The following GALNT18 variants were observed in gnomAD, a reference collection of about 807,000 sequenced individuals.
GALNT18 encodes the protein GalNAc-transferase 18.
In GALNT18, 44 loss-of-function variants were observed where a neutral mutation model predicts 69.5. The observed-to-expected ratio is 0.63, with a 90% CI of 0.50 to 0.81. GALNT18 has a LOEUF of 0.81. Ranked by LOEUF, GALNT18 falls within the 40% of genes least tolerant of loss-of-function variation. GALNT18 has a pLI of 0.00. For missense variants in GALNT18, 715 were observed against 810.0 expected (o/e 0.88, Z 1.42); for synonymous variants, 364 against 318.2 (o/e 1.14, Z -1.53).
At chr11:11,472,846 GC>G (rs2133856169) in intron 1 of GALNT18, among the ~76,000 whole-genome samples, 1 of 152,176 alleles carries the variant, frequency 6.6e-6, no homozygotes, top group East Asian at 1.9e-4. Flanking sequence ...CTATATATGG[GC>G]CGGGTGCAGT....
chr11:11,385,456 C>T (rs56993513), intron 3 of GALNT18, among the ~76,000 whole-genome samples: 15,528 of 152,116 alleles, frequency 0.1, 904 homozygotes, highest in Middle Eastern at 0.24. Context: ...CCACCACATC[C>T]GGCTAATTTT....
chr11:11,561,333 A>G (rs1409306536), intron 1 of GALNT18, among the ~76,000 whole-genome samples: 1 of 147,808 alleles, frequency 6.8e-6, no homozygotes, highest in Admixed American at 6.9e-5. Context: ...ACAGAAAACC[A>G]ACACTTCTCC....
intron 1 of GALNT18, among the ~76,000 whole-genome samples, chr11:11,512,744 G>A (rs569669074): frequency 7.2e-5 from 11 of 152,280 alleles, no homozygotes; most frequent in African/African-American, 1.7e-4. Context: ...GCCTGGGCTC[G>A]TTATGTGCCT....
chr11:11,487,338 A>G lies in GALNT18; in HGVS notation c.236-38402T>C, dbSNP rs1407339162. 4.6e-5 allele frequency among the ~76,000 whole-genome samples: 7 copies of G among 152,208 alleles called. 1 individual carries two copies. The highest frequency in any genetic ancestry group is 2.6e-4 in the Admixed American group (4 of 15,276). ...ATCCTGCTTGGGTAATGGGTGCACCAAAACCTCGCAAATCACTATTAAAGA... is the reference window on the plus strand; with the variant it reads ...ATCCTGCTTGGGTAATGGGTGCACCGAAACCTCGCAAATCACTATTAAAGA... On this transcript the variant is annotated intron_variant, in intron 1 of 10. Transcript: ENST00000227756.
At position 11,541,358 on chromosome 11, in the gene GALNT18, T is replaced by G. The variant is rs1857916268; in HGVS notation, c.235+80001A>C. 1.3e-5 allele frequency among the ~76,000 whole-genome samples: 2 copies of G among 152,182 alleles called. No individual in the cohort carries two copies. The highest frequency in any genetic ancestry group is 4.8e-5 in the African/African-American group (2 of 41,446). Reference sequence around the variant, plus strand: ...AACTCCACCTAGATCACCACCGTTATGATGATGATCTCCGCCTTCAGTACC... The same window carrying G: ...AACTCCACCTAGATCACCACCGTTAGGATGATGATCTCCGCCTTCAGTACC... On this transcript the variant is annotated intron_variant, in intron 1 of 10. Transcript: ENST00000227756. This position sits in a 1 kb window ranked among gnomAD's most constrained non-coding sequence, Gnocchi z 4.8.
At chr11:11,301,136 C>T (rs182200514) in intron 9 of GALNT18, among the ~76,000 whole-genome samples, 2 of 152,294 alleles carry the variant, frequency 1.3e-5, no homozygotes, top group Admixed American at 6.5e-5. Flanking sequence ...TGCAATGCCT[C>T]ACCCTCTCAT....
chr11:11,610,368 CT>C (rs1859864484), intron 1 of GALNT18, among the ~76,000 whole-genome samples: 1 of 152,186 alleles, frequency 6.6e-6, no homozygotes, highest in Non-Finnish European at 1.5e-5. Context: ...ATTTCTTCAT[CT>C]GTGAAATGGG....
chr11:11,520,892 A>C lies in GALNT18; in HGVS notation c.236-71956T>G, dbSNP rs190145562. On this transcript the variant is annotated intron_variant, in intron 1 of 10. Coordinates refer to ENST00000227756, the MANE Select transcript of GALNT18 (RefSeq NM_198516.3). ...AGGCTTCTGCAGGCCCTACACCAGC[A>C]TGTGGGGAAACTAGTCCTGCATTCC... 3.0e-3 allele frequency among the ~76,000 whole-genome samples: 457 copies of C among 152,004 alleles called. 2 individuals carry two copies. The highest frequency in any genetic ancestry group is 0.027 in the Middle Eastern group (8 of 294).
At chr11:11,507,377 T>A (rs993013866) in intron 1 of GALNT18, among the ~76,000 whole-genome samples, 8 of 152,116 alleles carry the variant, frequency 5.3e-5, no homozygotes, top group African/African-American at 1.9e-4. Context: ...CTGAACTGAG[T>A]CAGTCTCCCA....
chr11:11,401,121 G>C (rs1854457639), intron 3 of GALNT18, among the ~76,000 whole-genome samples: 1 of 152,108 alleles, frequency 6.6e-6, no homozygotes, highest in African/African-American at 2.4e-5. Flanking sequence ...GTCTCTCAAA[G>C]GGTCTCCATC....
intron 6 of GALNT18, among the ~76,000 whole-genome samples, chr11:11,358,267 G>A: frequency 7.1e-6 from 1 of 140,122 alleles, no homozygotes; most frequent in South Asian, 2.2e-4. Flanking sequence ...ATGTTACAAG[G>A]AATATAATAC....
chr11:11,378,962 T>C, intron 4 of GALNT18, 119 bp downstream of exon 4: 1 of 957,460 alleles, frequency 1.0e-6, no homozygotes, highest in South Asian at 1.8e-5. Flanking sequence ...ATCTCACCTA[T>C]TCCCAGAATT....
chr11:11,488,191 G>T (rs1856684399), intron 1 of GALNT18, among the ~76,000 whole-genome samples: 1 of 152,242 alleles, frequency 6.6e-6, no homozygotes, highest in Non-Finnish European at 1.5e-5. Context: ...CAGTTCTCAG[G>T]TTAAAAATCT....
intron 1 of GALNT18, among the ~76,000 whole-genome samples, chr11:11,574,543 T>A (rs1190510805): frequency 6.6e-6 from 1 of 152,234 alleles, no homozygotes; most frequent in Non-Finnish European, 1.5e-5. Flanking sequence ...AGCTTGGGCT[T>A]TCATCCACTT....
At chr11:11,522,696 AACAG>A (rs1564992654) in intron 1 of GALNT18, among the ~76,000 whole-genome samples, 1 of 152,134 alleles carries the variant, frequency 6.6e-6, no homozygotes, top group Non-Finnish European at 1.5e-5. Context: ...ACAAAAACAA[AACAG>A]ACAGTCCACT....
intron 1 of GALNT18, among the ~76,000 whole-genome samples, chr11:11,535,993 T>C (rs1265817276): frequency 2.0e-5 from 3 of 151,946 alleles, no homozygotes; most frequent in Non-Finnish European, 4.4e-5. Context: ...TCCACGGAGG[T>C]CCAAGTCCTC....
chr11:11,549,003 C>A (rs1565006410), intron 1 of GALNT18, among the ~76,000 whole-genome samples: 1 of 152,206 alleles, frequency 6.6e-6, no homozygotes, highest in Non-Finnish European at 1.5e-5. Context: ...ACTACATTTC[C>A]CAGCTTCCCT....
intron 3 of GALNT18, among the ~76,000 whole-genome samples, chr11:11,429,532 G>C (rs907103645): frequency 2.6e-5 from 4 of 152,222 alleles, no homozygotes; most frequent in African/African-American, 9.6e-5. Flanking sequence ...GTAGAACTCA[G>C]GGAGGGTAAT....
rs949788463 is a variant in GALNT18, at chr11:11,444,411, T to A, written c.428+4333A>T. On this transcript the variant is annotated intron_variant, in intron 2 of 10. Coordinates refer to ENST00000227756, the MANE Select transcript of GALNT18 (RefSeq NM_198516.3). This position sits in a 1 kb window ranked among gnomAD's most constrained non-coding sequence, Gnocchi z 4.4. Reference sequence around the variant, plus strand: ...AGACTCGCCCTCCCACCAACCTCTGTCTGGGTTCCCATCTCAGTGTAAACT... The same window carrying A: ...AGACTCGCCCTCCCACCAACCTCTGACTGGGTTCCCATCTCAGTGTAAACT... Among the ~76,000 whole-genome samples, 2 of 152,210 alleles carry A rather than the reference T, an allele frequency of 1.3e-5. No homozygotes were observed. Among genetic ancestry groups the A allele is most frequent in the South Asian group, 4.1e-4 (2 of 4,834 alleles).
Sources: gnomAD v4.1 joint callset for allele counts (sites outside exome capture counted in the v4.1 genomes callset) on GRCh38, gnomAD v4.1.1 for gene constraint, Gnocchi (gnomAD v3.1) non-coding constraint, MANE v1.5 for transcripts, NCBI Gene and HGNC (gene_info 2026-07-23, HGNC 2026-07-21) for gene names.